Variants in GALC observed in about 807,000 individuals in gnomAD.
GALC encodes the protein galactosylceramidase.
Under a neutral mutation model 91.8 loss-of-function variants are expected in GALC, and 77 were observed. That is an observed-to-expected ratio of 0.84 (90% CI 0.70 to 1.01). The LOEUF (loss-of-function observed/expected upper bound fraction) is 1.01, where lower values mean the gene tolerates loss of function less well. GALC is among the 50% of genes least tolerant of loss of function. GALC has a pLI of 0.00. For synonymous variants in GALC, 357 were observed against 306.7 expected, an observed-to-expected ratio of 1.16 and a Z score of -1.71; for missense variants, 882 against 855.9, an observed-to-expected ratio of 1.03 and a Z score of -0.38.
At position 87,976,436 on chromosome 14, in the gene GALC, G is replaced by C. The variant is rs373077659; in HGVS notation, c.674C>G (p.Ala225Gly). ...GATGGACTCCCAGAGATTATCACTTGCTATGATTTTCACTCGCTGGAGACC... is the reference window on the plus strand; with the variant it reads ...GATGGACTCCCAGAGATTATCACTTCCTATGATTTTCACTCGCTGGAGACC... ...YQGLQRVKII[A>G]SDNLWESISA... The change falls in exon 7 of 17, where the codon GCA (alanine) becomes GGA (glycine). Residue 225 changes from alanine (A) to glycine (G), a missense_variant. Transcript: ENST00000261304. 1 of 1,613,260 alleles carries C rather than the reference G, an allele frequency of 6.2e-7. No homozygotes were observed. The highest frequency in any genetic ancestry group is 1.3e-5 in the African/African-American group (1 of 75,022).
At chr14:87,993,492 C>G, upstream of GALC, 1 of 1,535,068 alleles carries the variant, frequency 6.5e-7, no homozygotes, top group East Asian at 2.4e-5. Flanking sequence ...ATGGCTCTTC[C>G]CCAGCATCTC....
intron 3 of GALC, chr14:87,987,838 A>C (rs1887037029): frequency 8.4e-6 from 2 of 239,036 alleles, no homozygotes; most frequent in African/African-American, 2.2e-5. Context: ...CTGCTCAATA[A>C]AATTCAAAAC....
At chr14:87,992,506 C>A in intron 1 of GALC, 2 of 1,531,260 alleles carry the variant, frequency 1.3e-6, no homozygotes, top group South Asian at 1.2e-5. Context: ...CCACCACCCA[C>A]CAACTCCTCC....
intron 9 of GALC, among the ~76,000 whole-genome samples, chr14:87,963,960 T>C (rs1885920067): frequency 6.6e-6 from 1 of 152,102 alleles, no homozygotes; most frequent in African/African-American, 2.4e-5. Context: ...GTCCTGAAAA[T>C]GCACTAAGCA....
intron 10 of GALC, among the ~76,000 whole-genome samples, chr14:87,952,082 A>G (rs894288100): frequency 6.6e-6 from 1 of 151,888 alleles, no homozygotes; most frequent in African/African-American, 2.4e-5. Flanking sequence ...TAAAAAGTAA[A>G]AATAAAAATA....
chr14:87,973,819 G>C (rs1401082697), intron 7 of GALC, among the ~76,000 whole-genome samples: 1 of 152,084 alleles, frequency 6.6e-6, no homozygotes, highest in Non-Finnish European at 1.5e-5. Context: ...TCCATCCATC[G>C]GATTCCAGTG....
At chr14:87,954,918 A>C in intron 10 of GALC, 1 of 1,552,612 alleles carries the variant, frequency 6.4e-7, no homozygotes, top group Non-Finnish European at 8.9e-7. Context: ...TTGATGGAAG[A>C]CATGATGTTT....
intron 8 of GALC, among the ~76,000 whole-genome samples, chr14:87,966,443 TA>T (rs3216701): frequency 0.11 from 17,167 of 151,690 alleles, 1,138 homozygotes; most frequent in Non-Finnish European, 0.16. Flanking sequence ...CCTCACAGAT[TA>T]AAAAAAACAA....
intron 10 of GALC, among the ~76,000 whole-genome samples, chr14:87,955,415 G>A (rs1885490654): frequency 6.6e-6 from 1 of 151,974 alleles, no homozygotes; most frequent in Non-Finnish European, 1.5e-5. Flanking sequence ...CTGGAGAAAT[G>A]ATCTACCAGT....
chr14:87,940,100 A>G, intron 15 of GALC, 119 bp from the exon 16 acceptor site: 1 of 805,994 alleles, frequency 1.2e-6, no homozygotes. Flanking sequence ...CTCAACAGAG[A>G]GCTATGTCCC....
At chr14:87,948,078 T>C (rs181005473) in intron 12 of GALC, among the ~76,000 whole-genome samples, 200 bp from the exon 13 acceptor site, 108 of 152,200 alleles carry the variant, frequency 7.1e-4, no homozygotes, top group African/African-American at 2.6e-3. Flanking sequence ...TTTATAAAAT[T>C]ATGCTTTATA....
At position 87,985,457 on chromosome 14, in the gene GALC, T is replaced by A. The variant is rs544533347; in HGVS notation, c.443-924A>T. Reference sequence around the variant, plus strand: ...GTCTTTGTTAGGACATGGTTTAGCATGCCATATTTTCTACATTTAAATGAG... The same window carrying A: ...GTCTTTGTTAGGACATGGTTTAGCAAGCCATATTTTCTACATTTAAATGAG... On this transcript the variant is annotated intron_variant, in intron 4 of 16. Coordinates refer to ENST00000261304, the MANE Select transcript of GALC (RefSeq NM_000153.4). Among the ~76,000 whole-genome samples, 11 of 152,320 alleles carry A rather than the reference T, an allele frequency of 7.2e-5. No homozygotes were observed. In the East Asian group the frequency reaches 2.1e-3, roughly 29 times the overall value.
At chr14:87,950,785 G>A (rs1228116650) in intron 10 of GALC, 37 bp from the exon 11 acceptor site, 1 of 1,402,130 alleles carries the variant, frequency 7.1e-7, no homozygotes, top group South Asian at 1.2e-5. Flanking sequence ...TCCAAATGAT[G>A]TATAAGCTAC....
chr14:87,978,434 G>C (rs551488389), intron 6 of GALC, among the ~76,000 whole-genome samples: 23 of 152,250 alleles, frequency 1.5e-4, no homozygotes, highest in South Asian at 1.0e-3. Context: ...TCTAGTCCTA[G>C]TCCTAGAAAA....
intron 16 of GALC, among the ~76,000 whole-genome samples, chr14:87,938,822 A>G (rs976972628): frequency 3.9e-5 from 6 of 151,972 alleles, no homozygotes; most frequent in African/African-American, 1.4e-4. Flanking sequence ...ACTTATAATC[A>G]TCAAAAATAC....
chr14:87,963,883 CTAACTT>C (rs1398358400), intron 9 of GALC, among the ~76,000 whole-genome samples: 1 of 152,004 alleles, frequency 6.6e-6, no homozygotes, highest in African/African-American at 2.4e-5. Context: ...ATTTCAGAAA[CTAACTT>C]TATGGTTTCA....
At position 87,993,121 on chromosome 14, in the gene GALC, T is replaced by C. The variant is rs776345221; in HGVS notation, c.44A>G (p.Lys15Arg). 11 of 1,588,282 alleles carry C rather than the reference T, an allele frequency of 6.9e-6. No homozygotes were observed. The South Asian group carries it at 1.1e-4, about 16-fold the overall frequency. Residue 15 changes from lysine (K) to arginine (R), a missense_variant, in exon 1 of 17, where the codon AAA (lysine) becomes AGA (arginine). Physicochemically the swap from Lys to Arg is conservative, Grantham distance 26. Transcript: ENST00000261304. ...CGAACCCGCGGCCGCAGTCATAGCTTTCGCTCGGCGTTGCCAGGAAGCCGA... is the reference window on the plus strand; with the variant it reads ...CGAACCCGCGGCCGCAGTCATAGCTCTCGCTCGGCGTTGCCAGGAAGCCGA... ...LLSASWQRRA[K>R]AMTAAAGSAG...
chr14:87,962,620 C>T (rs1566987936), intron 10 of GALC, among the ~76,000 whole-genome samples: 2 of 115,502 alleles, frequency 1.7e-5, no homozygotes, highest in East Asian at 2.8e-4. Flanking sequence ...CACACACACA[C>T]ACACCATTTT....
At chr14:87,989,711 A>T (rs1195709980) in intron 1 of GALC, 1 of 152,180 alleles carries the variant, frequency 6.6e-6, no homozygotes, top group East Asian at 1.9e-4. Context: ...GTCTCAGGAC[A>T]TCCCTTCTGC....
Sources: allele counts gnomAD v4.1 joint callset (sites outside exome capture counted in the v4.1 genomes callset), GRCh38; gene constraint gnomAD v4.1.1; transcripts MANE v1.5; gene names NCBI Gene and HGNC (gene_info 2026-07-23, HGNC 2026-07-21).